The following PLEKHM1 variants were observed in gnomAD, a reference collection of about 807,000 sequenced individuals.
PLEKHM1 encodes pleckstrin homology and RUN domain containing M1, also known as pleckstrin homology domain-containing family M member 1.
A neutral mutation model predicts 94.3 loss-of-function variants in PLEKHM1; 28 were observed. The observed-to-expected ratio is 0.30, with a 90% CI of 0.22 to 0.41. PLEKHM1 has a LOEUF of 0.41. Among genes scored for constraint, PLEKHM1 ranks in the 10% least tolerant of loss-of-function variants. The pLI, the probability that PLEKHM1 is intolerant of heterozygous loss-of-function variation, is 1.00. For synonymous variants in PLEKHM1, 424 were observed against 581.2 expected, an observed-to-expected ratio of 0.73 and a Z score of 3.89; for missense variants, 907 against 1,358.6, an observed-to-expected ratio of 0.67 and a Z score of 5.22.
At chr17:45,476,872 C>A (rs2145327734) in intron 3 of PLEKHM1, among the ~76,000 whole-genome samples, 1 of 152,252 alleles carries the variant, frequency 6.6e-6, no homozygotes, top group Non-Finnish European at 1.5e-5. Context: ...AGTGAGTAAG[C>A]TCCAGGGAGC....
intron 4 of PLEKHM1, among the ~76,000 whole-genome samples, chr17:45,474,725 A>C (rs546250014): frequency 6.6e-6 from 1 of 152,138 alleles, no homozygotes; most frequent in East Asian, 1.9e-4. Context: ...TAGAGGCAGG[A>C]TCTTGCTACA....
chr17:45,475,970 A>C, intron 3 of PLEKHM1: 1 of 584,816 alleles, frequency 1.7e-6, no homozygotes, highest in Middle Eastern at 4.6e-4. Context: ...CAACAGGACG[A>C]AACTCTGTCT....
chr17:45,490,216 G>A (rs927087467), intron 1 of PLEKHM1, among the ~76,000 whole-genome samples: 23 of 151,796 alleles, frequency 1.5e-4, no homozygotes, highest in Non-Finnish European at 2.8e-4. Context: ...AGAAAGCTGA[G>A]CCAGAAAAGG....
In PLEKHM1 at chr17:45,453,603, G is replaced by A. The variant is rs1455141152; in HGVS notation, c.2249C>T (p.Thr750Met). ...LGGPSFFKII[T>M]AKAVLKLQAG... ...CTGCAGCTTCAGGACAGCCTTGGCC[G>A]TGATGATTTTGAAGAAGGATGGGCC... The change falls in exon 7 of 12, where the codon ACG becomes ATG. Residue 750 changes from threonine (T) to methionine (M), a missense_variant. Thr to Met is a moderately conservative substitution (Grantham distance 81). Transcript: ENST00000430334. This position sits in a 1 kb window ranked among gnomAD's most constrained non-coding sequence, Gnocchi z 4.1. The A allele has an allele frequency of 5.6e-6, 9 of 1,603,488 alleles. No individual in the cohort carries two copies. The highest frequency in any genetic ancestry group is 1.7e-4 in the Middle Eastern group (1 of 6,044).
chr17:45,478,009 GCAGGC>G lies in PLEKHM1; in HGVS notation c.182_186del (p.Gly61AlafsTer8). ...GCCTCAGCTCGGATGTGCTTGGCGT[GCAGGC>G]CATGGATAAATACGGCCTCCAGGGC... is the stretch of plus-strand genomic sequence containing the variant. On this transcript the variant is annotated frameshift_variant, in exon 3 of 12. Coordinates refer to ENST00000430334, the MANE Select transcript of PLEKHM1 (RefSeq NM_014798.3). LOFTEE classifies it high-confidence loss of function. The G allele has an allele frequency of 6.2e-7, 1 of 1,614,180 alleles. No homozygotes were observed. Among genetic ancestry groups the G allele is most frequent in the Non-Finnish European group, 8.5e-7 (1 of 1,180,016 alleles).
chr17:45,468,468 A>T lies in PLEKHM1; in HGVS notation c.1049T>A (p.Leu350Gln). ...GGGCTCTGCAGGTGCCTCACAGTGC[A>T]GGTATGTGCTGGTGTTGAGGCCATG... ...SLHGLNTSTYLHCEAPAEPLP... is the reference protein window; with the variant it reads ...SLHGLNTSTYQHCEAPAEPLP... Residue 350 changes from leucine (L) to glutamine (Q), a missense_variant, in exon 5 of 12, where the codon CTG becomes CAG. Leu to Gln is a moderately radical substitution (Grantham distance 113). This residue lies in a region of PLEKHM1 where 477 missense variants were observed against 601.5 expected (regional missense o/e 0.79). Transcript: ENST00000430334. The T allele has an allele frequency of 6.2e-7, 1 of 1,614,218 alleles. No homozygotes were observed. Among genetic ancestry groups the T allele is most frequent in the Non-Finnish European group, 8.5e-7 (1 of 1,180,038 alleles).
intron 1 of PLEKHM1, chr17:45,487,727 C>T (rs1396341425): frequency 2.2e-6 from 1 of 456,072 alleles, no homozygotes; most frequent in South Asian, 1.5e-5. Context: ...ATGAGACTTA[C>T]GTTAAAAGAA....
intron 5 of PLEKHM1, among the ~76,000 whole-genome samples, chr17:45,464,670 A>G (rs533485783): frequency 6.6e-6 from 1 of 152,110 alleles, no homozygotes; most frequent in African/African-American, 2.4e-5. Flanking sequence ...CTCACATCGG[A>G]TTCAGCACCA....
Position 45,482,423 on chromosome 17 carries a change from C to G in PLEKHM1, c.48+14G>C, listed in dbSNP as rs1424132370. The G allele has an allele frequency of 1.0e-6, 1 of 952,426 alleles. No individual in the cohort carries two copies. The highest frequency in any genetic ancestry group is 2.1e-5 in the African/African-American group (1 of 47,842). The allele number at this position is 952,426 out of a possible 1,614,324, so 59.0% of individuals were successfully genotyped here. ...CAGCCCTTCCCCGCCCTTGATCCTC[C>G]CTCACCCACCTACCGGGATGGCAGC... On this transcript the variant is annotated intron_variant, in intron 2 of 11. Coordinates refer to ENST00000430334, the MANE Select transcript of PLEKHM1 (RefSeq NM_014798.3).
In PLEKHM1 at chr17:45,477,808, T is replaced by C. The variant is rs1294607055; in HGVS notation, c.296+92A>G. 2.0e-6 allele frequency: 3 copies of C among 1,484,278 alleles called. No homozygotes were observed. In the African/African-American group the frequency reaches 4.1e-5, roughly 20 times the overall value. The allele number at this position is 1,484,278 out of a possible 1,614,324, so 91.9% of individuals were successfully genotyped here. On this transcript the variant is annotated intron_variant, in intron 3 of 11. Transcript: ENST00000430334. ...TCTATGCTAGAACACAGGGCACCTCTGTTGGCTTCCTGAACAGCTGGGGAG... is the reference window on the plus strand; with the variant it reads ...TCTATGCTAGAACACAGGGCACCTCCGTTGGCTTCCTGAACAGCTGGGGAG...
At chr17:45,435,169 TTGGGGGAAGC>T (rs1024881187), downstream of PLEKHM1, among the ~76,000 whole-genome samples, 1 of 152,078 alleles carries the variant, frequency 6.6e-6, no homozygotes, top group Non-Finnish European at 1.5e-5. Flanking sequence ...GGTGAAGCCC[TTGGGGGAAGC>T]TGGGGCACCT....
intron 5 of PLEKHM1, 36 bp from the exon 6 acceptor site, chr17:45,458,475 A>C: frequency 6.3e-7 from 1 of 1,595,980 alleles, no homozygotes; most frequent in South Asian, 1.1e-5. Context: ...TTTGTTTTAA[A>C]GTTTTTTTGT....
chr17:45,445,344 T>C lies in PLEKHM1; in HGVS notation c.2837+126A>G, dbSNP rs1296356732. 1 of 744,282 alleles carries C rather than the reference T, an allele frequency of 1.3e-6. No individual in the cohort carries two copies. Among genetic ancestry groups the C allele is most frequent in the Admixed American group, 2.1e-5 (1 of 48,118 alleles). The allele number at this position is 744,282 out of a possible 1,614,324, so 46.1% of individuals were successfully genotyped here. ...GTCTATGCATTTGTGTATAAATTTA[T>C]GTGTGTGGGTATGTGTGCACATGTG... On this transcript the variant is annotated intron_variant, in intron 9 of 11. Coordinates refer to ENST00000430334, the MANE Select transcript of PLEKHM1 (RefSeq NM_014798.3). This position sits in a 1 kb window ranked among gnomAD's most constrained non-coding sequence, Gnocchi z 4.2.
chr17:45,486,490 C>T (rs916342092), intron 1 of PLEKHM1, among the ~76,000 whole-genome samples: 13 of 151,706 alleles, frequency 8.6e-5, no homozygotes, highest in Admixed American at 5.3e-4. Flanking sequence ...AGGAGAATGG[C>T]GTGGACCCAG....
rs569933101 is a variant in PLEKHM1, at chr17:45,452,639, A to G, written c.2497+716T>C. Among the ~76,000 whole-genome samples, 30 of 152,076 alleles carry G rather than the reference A, an allele frequency of 2.0e-4. No individual in the cohort carries two copies. The South Asian group carries it at 6.2e-3, about 32-fold the overall frequency. The stretch of plus-strand genomic sequence containing the variant: ...TAAAGCAGCTGGCCCAGTGCCCAGC[A>G]CAGAAGTATTAGATTTGATGATGAG... On this transcript the variant is annotated intron_variant, in intron 7 of 11. Transcript: ENST00000430334.
intron 5 of PLEKHM1, among the ~76,000 whole-genome samples, chr17:45,465,518 G>A (rs1159956716): frequency 6.6e-6 from 1 of 151,856 alleles, no homozygotes; most frequent in African/African-American, 2.4e-5. Context: ...AGACCAGCCT[G>A]GTCAACATGG....
chr17:45,461,430 G>A (rs2051149342), intron 5 of PLEKHM1, among the ~76,000 whole-genome samples: 1 of 152,174 alleles, frequency 6.6e-6, no homozygotes, highest in South Asian at 2.1e-4. Flanking sequence ...TTGTTTTTGT[G>A]CTTCTGGTGT....
At chr17:45,443,598 G>A (rs2050514034) in intron 9 of PLEKHM1, among the ~76,000 whole-genome samples, 1 of 152,176 alleles carries the variant, frequency 6.6e-6, no homozygotes, top group South Asian at 2.1e-4. Context: ...TAAAGCCGAT[G>A]AACAGACTCT....
At position 45,440,231 on chromosome 17, in the gene PLEKHM1, A is replaced by G. The variant is rs752477461; in HGVS notation, c.2838-5T>C. ...AGATAATTCCTGTGGTTGAGCCTTCAAACAAAACACAAGCGATTCTTTAGA... is the reference window on the plus strand; with the variant it reads ...AGATAATTCCTGTGGTTGAGCCTTCGAACAAAACACAAGCGATTCTTTAGA... On this transcript the variant is annotated splice_region_variant and splice_polypyrimidine_tract_variant and intron_variant, in intron 9 of 11. Coordinates refer to ENST00000430334, the MANE Select transcript of PLEKHM1 (RefSeq NM_014798.3). The G allele has an allele frequency of 6.2e-7, 1 of 1,613,938 alleles. No individual in the cohort carries two copies. Among genetic ancestry groups the G allele is most frequent in the East Asian group, 2.2e-5 (1 of 44,890 alleles).
Sources: allele counts gnomAD v4.1 joint callset (sites outside exome capture counted in the v4.1 genomes callset), GRCh38; gene constraint gnomAD v4.1.1; regional missense constraint gnomAD v4.1.1; non-coding constraint Gnocchi (gnomAD v3.1); transcripts MANE v1.5; gene names NCBI Gene and HGNC (gene_info 2026-07-23, HGNC 2026-07-21).